The following NELL2 variants were observed in gnomAD, a reference collection of about 807,000 sequenced individuals.
NELL2 encodes the protein protein kinase C-binding protein NELL2.
In NELL2, 41 loss-of-function variants were observed where a neutral mutation model predicts 109.6. The observed-to-expected ratio is 0.37, with a 90% CI of 0.29 to 0.49. NELL2 has a LOEUF of 0.49. Ranked by LOEUF, NELL2 falls within the 20% of genes least tolerant of loss-of-function variation. The pLI, the probability that NELL2 is intolerant of heterozygous loss-of-function variation, is 0.98. For synonymous variants in NELL2, 355 were observed against 344.7 expected (o/e 1.03, Z -0.33); for missense variants, 900 against 1,008.3 (o/e 0.89, Z 1.45).
At chr12:44,753,221 T>G (rs1940733352) in intron 9 of NELL2, among the ~76,000 whole-genome samples, 1 of 152,138 alleles carries the variant, frequency 6.6e-6, no homozygotes, top group African/African-American at 2.4e-5. Flanking sequence ...TTGTTTTCCT[T>G]CATGGTACTT....
intron 9 of NELL2, among the ~76,000 whole-genome samples, chr12:44,717,094 A>G (rs2136446908): frequency 6.6e-6 from 1 of 152,232 alleles, no homozygotes; most frequent in South Asian, 2.1e-4. Flanking sequence ...AGTGATTTTT[A>G]TCTCATTTCT....
At chr12:44,610,568 T>C (rs1945581376) in intron 14 of NELL2, among the ~76,000 whole-genome samples, 2 of 151,972 alleles carry the variant, frequency 1.3e-5, no homozygotes, top group Non-Finnish European at 2.9e-5. Flanking sequence ...GATGTGGTGA[T>C]GGGTGTGGGT....
intron 15 of NELL2, among the ~76,000 whole-genome samples, chr12:44,546,995 C>T (rs1942822826): frequency 6.6e-6 from 1 of 152,144 alleles, no homozygotes; most frequent in African/African-American, 2.4e-5. Context: ...ATTGTTTCTA[C>T]ACATTCACAC....
chr12:44,904,411 C>G (rs1945697150), intron 1 of NELL2, among the ~76,000 whole-genome samples: 1 of 152,144 alleles, frequency 6.6e-6, no homozygotes, highest in African/African-American at 2.4e-5. Context: ...TCAACGCTTG[C>G]AGGTCTGGCT....
At chr12:44,917,102 C>G (rs528286793), upstream of NELL2, among the ~76,000 whole-genome samples, 1 of 152,062 alleles carries the variant, frequency 6.6e-6, no homozygotes, top group Non-Finnish European at 1.5e-5. Flanking sequence ...TGAGAATGTG[C>G]TTTTAAAACT....
intron 9 of NELL2, among the ~76,000 whole-genome samples, chr12:44,768,090 G>T (rs183787363): frequency 1.3e-5 from 2 of 152,216 alleles, no homozygotes; most frequent in Admixed American, 6.5e-5. Flanking sequence ...ACATTTCCCT[G>T]GCATTGCAGC....
intron 19 of NELL2, 64 bp from the exon 20 acceptor site, chr12:44,509,048 AT>A: frequency 7.5e-7 from 1 of 1,327,168 alleles, no homozygotes. Flanking sequence ...AAATGATCAC[AT>A]TTATTGATTG....
intron 1 of NELL2, among the ~76,000 whole-genome samples, chr12:44,889,019 G>A (rs1338749652): frequency 2.0e-5 from 3 of 151,944 alleles, no homozygotes; most frequent in Admixed American, 2.0e-4. Context: ...AATAACTAAT[G>A]CCTATCTACC....
At chr12:44,830,728 C>T (rs1310871038) in intron 2 of NELL2, among the ~76,000 whole-genome samples, 1 of 152,030 alleles carries the variant, frequency 6.6e-6, no homozygotes, top group African/African-American at 2.4e-5. Flanking sequence ...TGTGTGCAGC[C>T]TCTAAAATAA....
At chr12:44,522,633 A>G (rs1465103327) in intron 17 of NELL2, 1 of 152,876 alleles carries the variant, frequency 6.5e-6, no homozygotes, top group Non-Finnish European at 1.5e-5. Flanking sequence ...AACTGTTATC[A>G]ATTTCTTTTA....
intron 1 of NELL2, among the ~76,000 whole-genome samples, chr12:44,900,783 G>C (rs928164175): frequency 5.9e-5 from 9 of 152,148 alleles, no homozygotes; most frequent in Non-Finnish European, 1.3e-4. Context: ...AAGGTCAAGA[G>C]ATCGAGACCT....
At chr12:44,542,586 A>G (rs1358424554) in intron 15 of NELL2, among the ~76,000 whole-genome samples, 1 of 152,144 alleles carries the variant, frequency 6.6e-6, no homozygotes. Context: ...AGATAAAATC[A>G]CCCTGGACTT....
intron 3 of NELL2, among the ~76,000 whole-genome samples, chr12:44,815,396 T>C (rs141775919): frequency 1.3e-5 from 2 of 152,358 alleles, no homozygotes; most frequent in African/African-American, 4.8e-5. Context: ...CATTAGAATA[T>C]AATATTTTTG....
intron 3 of NELL2, among the ~76,000 whole-genome samples, chr12:44,811,812 T>G (rs1432767498): frequency 6.6e-6 from 1 of 152,054 alleles, no homozygotes; most frequent in African/African-American, 2.4e-5. Context: ...TAATGTTCAT[T>G]TCATGTTTAT....
At chr12:44,540,751 T>C (rs768271455) in intron 15 of NELL2, among the ~76,000 whole-genome samples, 20 of 113,626 alleles carry the variant, frequency 1.8e-4, no homozygotes, top group Admixed American at 7.4e-4. Context: ...ACTGGCTCTT[T>C]TTTTAGCTTA....
chr12:44,909,900 A>G (rs1655938025), intron 1 of NELL2, among the ~76,000 whole-genome samples: 1 of 152,030 alleles, frequency 6.6e-6, no homozygotes, highest in South Asian at 2.1e-4. Flanking sequence ...TATTCAATAA[A>G]TGGTGCTGGA....
intron 5 of NELL2, among the ~76,000 whole-genome samples, chr12:44,779,362 G>T (rs1941869560): frequency 1.3e-5 from 2 of 152,096 alleles, no homozygotes; most frequent in Non-Finnish European, 2.9e-5. Context: ...GAGTTTATTT[G>T]TATGTTAACA....
At chr12:44,681,464 T>A (rs1223433307) in intron 12 of NELL2, among the ~76,000 whole-genome samples, 4 of 151,766 alleles carry the variant, frequency 2.6e-5, no homozygotes, top group Admixed American at 1.3e-4. Context: ...ATGTGCACAA[T>A]GTGCAGGTTA....
At chr12:44,914,017 T>C, upstream of NELL2, 1 of 278,954 alleles carries the variant, frequency 3.6e-6, no homozygotes, top group Non-Finnish European at 7.0e-6. Context: ...TCTCAATATA[T>C]AGACAGAATC....
Sources: gnomAD v4.1 joint callset for allele counts (sites outside exome capture counted in the v4.1 genomes callset) on GRCh38, gnomAD v4.1.1 for gene constraint, MANE v1.5 for transcripts, NCBI Gene and HGNC (gene_info 2026-07-23, HGNC 2026-07-21) for gene names.